The following PRKCA variants were observed in gnomAD, a reference collection of about 807,000 sequenced individuals.
The protein encoded by PRKCA is protein kinase C alpha type.
A neutral mutation model predicts 87.0 loss-of-function variants in PRKCA; 27 were observed. The ratio of observed to expected loss-of-function variants is 0.31; its 90% CI spans 0.23 to 0.43. PRKCA has a LOEUF of 0.43. Among genes scored for constraint, PRKCA ranks in the 20% least tolerant of loss-of-function variants. The pLI is 1.00. For synonymous variants in PRKCA, 329 were observed against 311.1 expected (o/e 1.06, Z -0.61); for missense variants, 518 against 852.3 (o/e 0.61, Z 4.88).
At chr17:66,657,861 C>G (rs1485811018) in intron 5 of PRKCA, among the ~76,000 whole-genome samples, 1 of 151,830 alleles carries the variant, frequency 6.6e-6, no homozygotes, top group Non-Finnish European at 1.5e-5. Flanking sequence ...ATTTGAAAAA[C>G]AAAAAAATCC....
chr17:66,518,395 G>A (rs1197041674), intron 3 of PRKCA, among the ~76,000 whole-genome samples: 1 of 152,152 alleles, frequency 6.6e-6, no homozygotes, highest in East Asian at 1.9e-4. Flanking sequence ...AGAAACTCCT[G>A]TTTCGTAAGA....
At chr17:66,762,072 C>A (rs1243918876) in intron 13 of PRKCA, among the ~76,000 whole-genome samples, 1 of 152,106 alleles carries the variant, frequency 6.6e-6, no homozygotes, top group Non-Finnish European at 1.5e-5. Flanking sequence ...GTAACTGATT[C>A]ACTTCTGATT....
intron 5 of PRKCA, among the ~76,000 whole-genome samples, chr17:66,685,961 G>A (rs8070556): frequency 6.6e-6 from 1 of 152,116 alleles, no homozygotes; most frequent in African/African-American, 2.4e-5. Context: ...TGCCAGTGCC[G>A]CCGGTCCAGG....
chr17:66,672,533 T>C (rs1240390338), intron 5 of PRKCA, among the ~76,000 whole-genome samples: 4 of 152,242 alleles, frequency 2.6e-5, no homozygotes, highest in Admixed American at 1.3e-4. Context: ...TGTATTCTTA[T>C]TCTTCTTTGC....
rs1398642855 is a variant in PRKCA, at chr17:66,774,046, G to T, written c.1584G>T (p.Leu528Phe). The T allele has an allele frequency of 6.2e-7, 1 of 1,614,058 alleles. No individual in the cohort carries two copies. ...ACTGGTGGGCCTATGGCGTCCTGTTGTATGAAATGCTTGCCGGGCAGGTAA... is the reference window on the plus strand; with the variant it reads ...ACTGGTGGGCCTATGGCGTCCTGTTTTATGAAATGCTTGCCGGGCAGGTAA... ...SVDWWAYGVL[L>F]YEMLAGQPPF... Residue 528 changes from leucine (L) to phenylalanine (F), a missense_variant, in exon 14 of 17, where the codon TTG becomes TTT. Physicochemically the swap from Leu to Phe is conservative, Grantham distance 22. This residue lies in a region of PRKCA where 159 missense variants were observed against 232.4 expected (regional missense o/e 0.68). Coordinates refer to ENST00000413366, the MANE Select transcript of PRKCA (RefSeq NM_002737.3).
intron 2 of PRKCA, among the ~76,000 whole-genome samples, chr17:66,328,265 T>TCGGTCTTGAACTCCTGGC (rs1227997280): frequency 2.6e-5 from 4 of 151,910 alleles, no homozygotes; most frequent in African/African-American, 7.3e-5. Flanking sequence ...GTTGTCCAGG[T>TCGGTCTTGAACTCCTGGC]CGGTCTTGAA....
chr17:66,789,393 G>A (rs1975478065), intron 16 of PRKCA, among the ~76,000 whole-genome samples: 1 of 152,230 alleles, frequency 6.6e-6, no homozygotes, highest in Admixed American at 6.5e-5. Flanking sequence ...GGCACCGAAG[G>A]GAGCTCTGAA....
chr17:66,420,085 C>T (rs1395619491), intron 2 of PRKCA, among the ~76,000 whole-genome samples: 1 of 150,596 alleles, frequency 6.6e-6, no homozygotes, highest in African/African-American at 2.4e-5. Context: ...AATCTCGGCT[C>T]ACTGCAGCCT....
At chr17:66,595,919 G>A (rs149619650) in intron 3 of PRKCA, among the ~76,000 whole-genome samples, 24 of 152,296 alleles carry the variant, frequency 1.6e-4, no homozygotes, top group African/African-American at 5.1e-4. Context: ...CTGCAAAGGC[G>A]TACGGCATCA....
chr17:66,345,394 G>A (rs1338899519), intron 2 of PRKCA, among the ~76,000 whole-genome samples: 1 of 152,094 alleles, frequency 6.6e-6, no homozygotes, highest in African/African-American at 2.4e-5. Context: ...GTTTCCTCTG[G>A]AATCTTGCTT....
intron 3 of PRKCA, among the ~76,000 whole-genome samples, chr17:66,569,514 A>G (rs1181411421): frequency 1.3e-5 from 2 of 152,184 alleles, no homozygotes; most frequent in Non-Finnish European, 2.9e-5. Flanking sequence ...GGTTGCAGTG[A>G]GCTGAGACCA....
intron 13 of PRKCA, among the ~76,000 whole-genome samples, chr17:66,764,564 C>G (rs920319221): frequency 2.6e-5 from 4 of 152,152 alleles, no homozygotes; most frequent in Admixed American, 2.6e-4. Context: ...CTGACATTCC[C>G]CCAAGCAGTT....
intron 2 of PRKCA, among the ~76,000 whole-genome samples, chr17:66,480,029 A>G (rs1211587848): frequency 6.7e-6 from 1 of 149,510 alleles, no homozygotes; most frequent in Non-Finnish European, 1.5e-5. Context: ...TGGTTTTAGA[A>G]TTCTGAATAA....
chr17:66,699,827 C>G (rs1479281619), intron 8 of PRKCA, among the ~76,000 whole-genome samples: 1 of 152,230 alleles, frequency 6.6e-6, no homozygotes, highest in African/African-American at 2.4e-5. Context: ...TTCCTAGCCT[C>G]AAGGCTTGTC....
chr17:66,688,616 A>T (rs1972693361), intron 7 of PRKCA, among the ~76,000 whole-genome samples, 180 bp downstream of exon 7: 1 of 152,044 alleles, frequency 6.6e-6, no homozygotes, highest in Non-Finnish European at 1.5e-5. Flanking sequence ...CAGCCTGGGC[A>T]ACATGGAGAA....
At chr17:66,439,023 G>A (rs899575833) in intron 2 of PRKCA, among the ~76,000 whole-genome samples, 3 of 152,132 alleles carry the variant, frequency 2.0e-5, no homozygotes, top group Non-Finnish European at 4.4e-5. Flanking sequence ...AGGAATAATG[G>A]CCTGTCATCA....
chr17:66,669,810 A>G (rs983047750), intron 5 of PRKCA, among the ~76,000 whole-genome samples: 1 of 152,162 alleles, frequency 6.6e-6, no homozygotes, highest in African/African-American at 2.4e-5. Context: ...GCTGAGGCAC[A>G]AGAATCGCTT....
At chr17:66,723,498 T>C (rs1341461927) in intron 8 of PRKCA, among the ~76,000 whole-genome samples, 1 of 149,810 alleles carries the variant, frequency 6.7e-6, no homozygotes, top group African/African-American at 2.5e-5. Flanking sequence ...CATGGTGGCA[T>C]GCACCTGTAA....
chr17:66,349,557 G>A (rs1787829672), intron 2 of PRKCA, among the ~76,000 whole-genome samples: 1 of 152,126 alleles, frequency 6.6e-6, no homozygotes, highest in African/African-American at 2.4e-5. Flanking sequence ...CTTTTGCATG[G>A]AAGAAATAAG....
Sources: gnomAD v4.1 joint callset for allele counts (sites outside exome capture counted in the v4.1 genomes callset) on GRCh38, gnomAD v4.1.1 for gene constraint, gnomAD v4.1.1 regional missense constraint, MANE v1.5 for transcripts, NCBI Gene and HGNC (gene_info 2026-07-23, HGNC 2026-07-21) for gene names.